SLK: variants seen among roughly 807,000 people sequenced by gnomAD.
SLK encodes STE20-like serine/threonine-protein kinase.
Under a neutral mutation model 147.7 loss-of-function variants are expected in SLK, and 67 were observed. That is an observed-to-expected ratio of 0.45 (90% CI 0.37 to 0.56). The LOEUF (loss-of-function observed/expected upper bound fraction) is 0.56, where lower values mean the gene tolerates loss of function less well. Ranked by LOEUF, SLK falls within the 20% of genes least tolerant of loss-of-function variation. The probability of loss-of-function intolerance (pLI) is 0.00; values close to 1 mark genes in which losing one functional copy is unlikely to be tolerated. For missense variants in SLK, 1,136 were observed against 1,438.8 expected (o/e 0.79, Z 3.41); for synonymous variants, 441 against 475.0 (o/e 0.93, Z 0.93).
intron 1 of SLK, among the ~76,000 whole-genome samples, chr10:103,981,098 A>C (rs1457412230): frequency 6.6e-6 from 1 of 152,032 alleles, no homozygotes; most frequent in African/African-American, 2.4e-5. Context: ...GCATCTTTTC[A>C]TGTGCTTATT....
Position 104,001,565 on chromosome 10 carries a change from A to T in SLK, c.986A>T (p.Asn329Ile). ...KEEDEEEETE[N>I]SLPIPASKRA... ...GAAGATGAAGAGGAGGAAACAGAAAATTCTCTGGTCAGTATTTAGGAAAGA... is the reference window on the plus strand; with the variant it reads ...GAAGATGAAGAGGAGGAAACAGAAATTTCTCTGGTCAGTATTTAGGAAAGA... The change falls in exon 8 of 19, where the codon AAT (asparagine) becomes ATT (isoleucine). Residue 329 changes from asparagine (N) to isoleucine (I), a missense_variant. By Grantham distance (149) the Asn-to-Ile change is moderately radical. This residue lies in a region of SLK where 516 missense variants were observed against 531.3 expected (regional missense o/e 0.97). Coordinates refer to ENST00000369755, the MANE Select transcript of SLK (RefSeq NM_014720.4). 2 of 1,613,912 alleles carry T rather than the reference A, an allele frequency of 1.2e-6. No individual in the cohort carries two copies. The highest frequency in any genetic ancestry group is 2.2e-5 in the South Asian group (2 of 91,064).
intron 1 of SLK, chr10:103,974,937 G>A (rs1190019155): frequency 6.8e-6 from 1 of 146,300 alleles, no homozygotes; most frequent in African/African-American, 2.5e-5. Context: ...CCAAAGTGCT[G>A]GGATTACAGG....
At chr10:104,024,304 C>T (rs76723464) in intron 18 of SLK, among the ~76,000 whole-genome samples, 2,433 of 152,272 alleles carry the variant, frequency 0.016, 65 homozygotes, top group African/African-American at 0.054. Flanking sequence ...CTGCCATCAC[C>T]GGAGGATTTA....
chr10:104,002,388 G>A lies in SLK; in HGVS notation c.1210G>A (p.Ala404Thr), dbSNP rs1256904405. ...GGATATTAATGAACATATTACCGAT[G>A]CTCAGTTAGAAGCAATGACTGAACT... ...VEDINEHITD[A>T]QLEAMTELHD... is the part of the protein sequence containing the mutation. Residue 404 changes from alanine (A) to threonine (T), a missense_variant, in exon 9 of 19, where the codon GCT (alanine) becomes ACT (threonine). Around this residue, in one of 6 missense-constraint regions of SLK, gnomAD observed 516 missense variants for 531.3 expected, o/e 0.97. Coordinates refer to ENST00000369755, the MANE Select transcript of SLK (RefSeq NM_014720.4). 6.2e-7 allele frequency: 1 copy of A among 1,613,774 alleles called. No individual in the cohort carries two copies. Among genetic ancestry groups the A allele is most frequent in the Non-Finnish European group, 8.5e-7 (1 of 1,179,952 alleles).
chr10:103,969,484 G>C (rs1160588684), intron 1 of SLK, among the ~76,000 whole-genome samples: 1 of 152,162 alleles, frequency 6.6e-6, no homozygotes, highest in East Asian at 1.9e-4. Flanking sequence ...CCAAAATTAT[G>C]ATACATATTT....
intron 1 of SLK, among the ~76,000 whole-genome samples, chr10:103,975,811 ACGCCT>A (rs1208824687): frequency 9.9e-5 from 15 of 152,186 alleles, no homozygotes; most frequent in African/African-American, 3.4e-4. Context: ...GCAGGGGCTC[ACGCCT>A]GTAATCCCAG....
chr10:103,996,499 C>G (rs1201099305), intron 4 of SLK, among the ~76,000 whole-genome samples: 1 of 150,674 alleles, frequency 6.6e-6, no homozygotes, highest in African/African-American at 2.4e-5. Flanking sequence ...CCCGGGTTCA[C>G]GCCATTCTCC....
At chr10:104,009,252 A>T (rs1002306879) in intron 12 of SLK, among the ~76,000 whole-genome samples, 2 of 152,134 alleles carry the variant, frequency 1.3e-5, no homozygotes, top group African/African-American at 4.8e-5. Context: ...GATCAATTTT[A>T]TTAGGGTTGG....
At chr10:104,001,646 G>A in intron 8 of SLK, 74 bp downstream of exon 8, 1 of 1,529,028 alleles carries the variant, frequency 6.5e-7, no homozygotes, top group Non-Finnish European at 8.9e-7. Flanking sequence ...CTGTATCTAA[G>A]GATTGATGGG....
intron 9 of SLK, among the ~76,000 whole-genome samples, chr10:104,004,467 AGTTT>A (rs1844298130): frequency 6.6e-6 from 1 of 152,218 alleles, no homozygotes; most frequent in South Asian, 2.1e-4. Flanking sequence ...AGAAATGTGA[AGTTT>A]GGAGGTTAAG....
At chr10:103,986,886 C>T (rs1046919231) in intron 1 of SLK, among the ~76,000 whole-genome samples, 2 of 152,078 alleles carry the variant, frequency 1.3e-5, no homozygotes, top group Non-Finnish European at 2.9e-5. Flanking sequence ...CCATGTTGGC[C>T]AGGCTGGTCT....
intron 9 of SLK, 68 bp from the exon 10 acceptor site, chr10:104,005,493 A>G: frequency 7.2e-7 from 1 of 1,397,568 alleles, no homozygotes; most frequent in Middle Eastern, 2.6e-4. Flanking sequence ...ATGTTTAAGG[A>G]AGAAGAAAAT....
At chr10:103,974,826 A>ATTTTTCTTTTTTT (rs1843845181) in intron 1 of SLK, 1 of 55,394 alleles carries the variant, frequency 1.8e-5, no homozygotes, top group Non-Finnish European at 3.0e-5. Flanking sequence ...AATTTTTTCT[A>ATTTTTCTTTTTTT]TTTTTTTTTT....
chr10:104,007,106 C>G (rs1844336890), intron 11 of SLK, among the ~76,000 whole-genome samples: 1 of 151,718 alleles, frequency 6.6e-6, no homozygotes, highest in Non-Finnish European at 1.5e-5. Context: ...AAGATTGAAT[C>G]TGAAAATGAC....
intron 1 of SLK, among the ~76,000 whole-genome samples, chr10:103,969,461 ATAAAAT>A (rs1388329289): frequency 6.6e-6 from 1 of 152,224 alleles, no homozygotes; most frequent in Non-Finnish European, 1.5e-5. Context: ...TGTTTCTATA[ATAAAAT>A]TAAGGGCCAA....
intron 2 of SLK, 146 bp from the exon 3 acceptor site, chr10:103,992,452 A>G: frequency 2.8e-6 from 2 of 711,318 alleles, no homozygotes; most frequent in Non-Finnish European, 4.5e-6. Context: ...TCTTTTGACA[A>G]AATCTTCGTT....
chr10:103,996,331 A>G (rs1245223744), intron 4 of SLK, among the ~76,000 whole-genome samples: 1 of 151,096 alleles, frequency 6.6e-6, no homozygotes, highest in Non-Finnish European at 1.5e-5. Context: ...CTTAGATGCT[A>G]AAAGTTTTTT....
chr10:103,995,924 C>A (rs927300128), intron 4 of SLK, among the ~76,000 whole-genome samples: 4 of 152,116 alleles, frequency 2.6e-5, no homozygotes, highest in Non-Finnish European at 5.9e-5. Flanking sequence ...TAAAATCTAA[C>A]CTCTGTAATA....
chr10:103,967,698 T>C lies in SLK; in HGVS notation c.-48T>C, dbSNP rs748754762. On this transcript the variant is annotated 5_prime_UTR_variant, in exon 1 of 19. Coordinates refer to ENST00000369755, the MANE Select transcript of SLK (RefSeq NM_014720.4). ...AGCAGGGAAGAGAAACTTTGCCTTT[T>C]ATTGTTTTTAGTCCTTAAGTGCAAG... 3 of 1,579,784 alleles carry C rather than the reference T, an allele frequency of 1.9e-6. No homozygotes were observed. The highest frequency in any genetic ancestry group is 2.6e-6 in the Non-Finnish European group (3 of 1,158,788).
Sources: allele counts gnomAD v4.1 joint callset (sites outside exome capture counted in the v4.1 genomes callset), GRCh38; gene constraint gnomAD v4.1.1; regional missense constraint gnomAD v4.1.1; transcripts MANE v1.5; gene names NCBI Gene and HGNC (gene_info 2026-07-23, HGNC 2026-07-21).